The following RASGEF1C variants were observed in gnomAD, a reference collection of about 807,000 sequenced individuals.
RASGEF1C encodes ras-GEF domain-containing family member 1C.
A neutral mutation model predicts 58.1 loss-of-function variants in RASGEF1C; 27 were observed. The observed-to-expected ratio is 0.46, with a 90% CI of 0.34 to 0.64. The LOEUF is 0.64. Ranked by LOEUF, RASGEF1C falls within the 30% of genes least tolerant of loss-of-function variation. The pLI, the probability that RASGEF1C is intolerant of heterozygous loss-of-function variation, is 0.01. For synonymous variants in RASGEF1C, 243 were observed against 246.3 expected (o/e 0.99, Z 0.13); for missense variants, 502 against 605.1 (o/e 0.83, Z 1.79).
At chr5:180,187,123 C>A (rs531510196) in intron 1 of RASGEF1C, among the ~76,000 whole-genome samples, 15 of 152,322 alleles carry the variant, frequency 9.8e-5, no homozygotes, top group African/African-American at 3.6e-4. Flanking sequence ...CAGTGTGGTA[C>A]TGGCCAGTTG....
intron 1 of RASGEF1C, among the ~76,000 whole-genome samples, chr5:180,164,715 C>T (rs74920257): frequency 0.033 from 4,978 of 152,226 alleles, 122 homozygotes; most frequent in South Asian, 0.094. Flanking sequence ...TTCCAAGATA[C>T]GGTTTTGGTG....
At chr5:180,208,709 C>T (rs914667405) in intron 1 of RASGEF1C, among the ~76,000 whole-genome samples, 1 of 151,984 alleles carries the variant, frequency 6.6e-6, no homozygotes, top group African/African-American at 2.4e-5. Flanking sequence ...TTGGTCTAGG[C>T]TGGCTCTTCC....
At chr5:180,129,897 G>C (rs762354315) in intron 4 of RASGEF1C, among the ~76,000 whole-genome samples, 3 of 152,206 alleles carry the variant, frequency 2.0e-5, no homozygotes, top group Non-Finnish European at 4.4e-5. Flanking sequence ...AGGGGTTTCC[G>C]AGGGGAAATA....
chr5:180,119,413 C>T lies in RASGEF1C; in HGVS notation c.840G>A (p.Glu280=). The stretch of plus-strand genomic sequence containing the variant: ...ACTCGCGGGCCACGTCGATGAAGAA[C>T]TCAATCACCTGGGCCCTCTGCTTCT... ...AKKKQRAQVI[E]FFIDVARECF... The change falls in exon 8 of 14, where the codon GAG becomes GAA. Residue 280 remains glutamate, a synonymous_variant. Transcript: ENST00000361132. The T allele has an allele frequency of 6.2e-7, 1 of 1,614,176 alleles. No homozygotes were observed. The highest frequency in any genetic ancestry group is 8.5e-7 in the Non-Finnish European group (1 of 1,179,992).
chr5:180,173,777 G>C (rs1031111085), intron 1 of RASGEF1C, among the ~76,000 whole-genome samples: 3 of 152,126 alleles, frequency 2.0e-5, no homozygotes, highest in African/African-American at 4.8e-5. Context: ...GCTGGGCGTG[G>C]TGGTGGGCGC....
chr5:180,201,521 A>G (rs1452930525), intron 1 of RASGEF1C, among the ~76,000 whole-genome samples: 1 of 152,210 alleles, frequency 6.6e-6, no homozygotes, highest in Non-Finnish European at 1.5e-5. Flanking sequence ...GTCCAGGCAA[A>G]TTAAGACATC....
intron 1 of RASGEF1C, among the ~76,000 whole-genome samples, chr5:180,140,090 T>C (rs1490874859): frequency 6.6e-6 from 1 of 152,124 alleles, no homozygotes. Flanking sequence ...ACCTGGGGCC[T>C]GGCCTGGACC....
intron 11 of RASGEF1C, among the ~76,000 whole-genome samples, chr5:180,113,344 G>C (rs1305895098): frequency 3.9e-4 from 14 of 35,896 alleles, no homozygotes; most frequent in Middle Eastern, 0.016. Context: ...CGGAGGGACC[G>C]GGGATGGACT....
intron 1 of RASGEF1C, among the ~76,000 whole-genome samples, chr5:180,196,736 C>T (rs775371005): frequency 2.1e-4 from 32 of 152,116 alleles, no homozygotes; most frequent in Admixed American, 5.2e-4. Context: ...ATCATTTGTG[C>T]TTTCTCTTTT....
chr5:180,164,706 T>C (rs988574724), intron 1 of RASGEF1C, among the ~76,000 whole-genome samples: 1 of 152,360 alleles, frequency 6.6e-6, no homozygotes, highest in East Asian at 1.9e-4. Flanking sequence ...TGTTTCATGT[T>C]CCAAGATACG....
intron 1 of RASGEF1C, among the ~76,000 whole-genome samples, chr5:180,175,554 C>A (rs1767210056): frequency 6.6e-6 from 1 of 152,218 alleles, no homozygotes; most frequent in Non-Finnish European, 1.5e-5. Flanking sequence ...GGAGCCACTC[C>A]AGGGCCACAC....
intron 4 of RASGEF1C, among the ~76,000 whole-genome samples, chr5:180,136,140 C>G (rs950811310): frequency 6.6e-6 from 1 of 152,220 alleles, no homozygotes; most frequent in African/African-American, 2.4e-5. Context: ...GGAATGGGTC[C>G]CCCCTCACCC....
chr5:180,185,312 C>T (rs1318410354), intron 1 of RASGEF1C, among the ~76,000 whole-genome samples: 1 of 150,648 alleles, frequency 6.6e-6, no homozygotes, highest in East Asian at 2.0e-4. Context: ...AGGCCAGTTA[C>T]AGTGGCTCAC....
chr5:180,189,476 T>A (rs1196199685), intron 1 of RASGEF1C, among the ~76,000 whole-genome samples: 1 of 152,214 alleles, frequency 6.6e-6, no homozygotes, highest in Non-Finnish European at 1.5e-5. Context: ...AAGACTTATT[T>A]AAAGCTACAA....
intron 4 of RASGEF1C, 27 bp downstream of exon 4, chr5:180,136,351 T>C: frequency 6.5e-7 from 1 of 1,542,964 alleles, no homozygotes; most frequent in Non-Finnish European, 8.7e-7. Flanking sequence ...GGACCCAGGG[T>C]GACGCGACCC....
chr5:180,206,517 C>T (rs1258438547), intron 1 of RASGEF1C, among the ~76,000 whole-genome samples: 3 of 152,162 alleles, frequency 2.0e-5, no homozygotes, highest in Non-Finnish European at 4.4e-5. Context: ...ACGGTGCTAC[C>T]TCTTGACAAG....
intron 12 of RASGEF1C, among the ~76,000 whole-genome samples, chr5:180,104,423 C>T (rs115757508): frequency 0.024 from 3,671 of 152,292 alleles, 76 homozygotes; most frequent in Admixed American, 0.047. Context: ...GAAGGCTCCA[C>T]CTTAGAAGCA....
Position 180,209,168 on chromosome 5 carries a change from A to C in RASGEF1C, c.-147T>G. 6.9e-6 allele frequency: 1 copy of C among 145,574 alleles called. No homozygotes were observed. The highest frequency in any genetic ancestry group is 2.5e-5 in the African/African-American group (1 of 40,724). 9.0% of individuals were successfully genotyped at this position (145,574 alleles called of 1,614,324 possible). On this transcript the variant is annotated 5_prime_UTR_variant, in exon 1 of 14. Coordinates refer to ENST00000361132, the MANE Select transcript of RASGEF1C (RefSeq NM_175062.4). ...GCCGCCGCCCGACCGCCCGGCTCCC[A>C]GCGCAGCCCGCACGAGCGCCTGGCG...
At chr5:180,118,952 C>T in intron 8 of RASGEF1C, 86 bp from the exon 9 acceptor site, 7 of 1,289,074 alleles carry the variant, frequency 5.4e-6, no homozygotes, top group Non-Finnish European at 7.9e-6. Context: ...TGCACCCTGA[C>T]CAGGGCTGAG....
Sources: gnomAD v4.1 joint callset for allele counts (sites outside exome capture counted in the v4.1 genomes callset) on GRCh38, gnomAD v4.1.1 for gene constraint, MANE v1.5 for transcripts, NCBI Gene and HGNC (gene_info 2026-07-23, HGNC 2026-07-21) for gene names.